CAST: variants seen among roughly 807,000 people sequenced by gnomAD.
The protein encoded by CAST is calpastatin.
In CAST, 76 loss-of-function variants were observed where a neutral mutation model predicts 119.6. The ratio of observed to expected loss-of-function variants is 0.64; its 90% CI spans 0.53 to 0.77. The LOEUF (loss-of-function observed/expected upper bound fraction) is 0.77. CAST is among the 30% of genes least tolerant of loss of function. The probability of loss-of-function intolerance (pLI) is 0.00; values close to 1 mark genes in which losing one functional copy is unlikely to be tolerated. For synonymous variants in CAST, 319 were observed against 331.6 expected (o/e 0.96, Z 0.41); for missense variants, 953 against 946.5 (o/e 1.01, Z -0.09).
chr5:96,382,630 C>A, the CAST span, among the ~76,000 whole-genome samples: 2 of 152,172 alleles, frequency 1.3e-5, no homozygotes, highest in Non-Finnish European at 2.9e-5. Flanking sequence ...GAGGGCATGT[C>A]CACATAGTAT....
chr5:96,419,222 A>G, the CAST span, among the ~76,000 whole-genome samples: 6 of 151,388 alleles, frequency 4.0e-5, no homozygotes, highest in East Asian at 1.9e-4. Context: ...TTTAAATGCC[A>G]GATATACAGA....
chr5:96,563,899 C>T (rs180919158), intron 1 of CAST, among the ~76,000 whole-genome samples: 1 of 152,264 alleles, frequency 6.6e-6, no homozygotes, highest in Admixed American at 6.5e-5. Context: ...TTGCCTTTTG[C>T]TTACCATTTT....
chr5:96,663,095 C>T (rs1219411200), intron 1 of CAST: 2 of 702,164 alleles, frequency 2.8e-6, no homozygotes, highest in Non-Finnish European at 5.2e-6. Context: ...GCGCCCTCGC[C>T]GGCTCCCCCG....
chr5:96,460,147 CT>C, the CAST span, among the ~76,000 whole-genome samples: 1 of 152,234 alleles, frequency 6.6e-6, no homozygotes, highest in Non-Finnish European at 1.5e-5. Flanking sequence ...TGGGATGATC[CT>C]CTTCAAGTGG....
chr5:96,200,849 A>G, the CAST span, among the ~76,000 whole-genome samples: 1 of 152,140 alleles, frequency 6.6e-6, no homozygotes, highest in East Asian at 1.9e-4. Context: ...AGCCTAATAA[A>G]TGTTGGCCAG....
chr5:96,614,343 A>G (rs987906238), intron 1 of CAST, among the ~76,000 whole-genome samples: 4 of 152,142 alleles, frequency 2.6e-5, no homozygotes, highest in Non-Finnish European at 4.4e-5. Flanking sequence ...GCTGTGTGCA[A>G]TCTTACCTAC....
chr5:96,235,143 G>T, the CAST span, among the ~76,000 whole-genome samples: 3 of 152,160 alleles, frequency 2.0e-5, no homozygotes, highest in African/African-American at 4.8e-5. Flanking sequence ...GGTTCATCTT[G>T]GTGGACCCCA....
chr5:96,458,038 G>A, the CAST span, among the ~76,000 whole-genome samples: 11 of 152,160 alleles, frequency 7.2e-5, no homozygotes, highest in East Asian at 5.8e-4. Flanking sequence ...TTAACAGCTC[G>A]CCCAGTCTGT....
At chr5:96,140,607 G>T in the CAST span, among the ~76,000 whole-genome samples, 5 of 152,182 alleles carry the variant, frequency 3.3e-5, no homozygotes, top group African/African-American at 1.2e-4. Context: ...CAGTTTACTT[G>T]ACCTCTCCAA....
At chr5:96,589,418 A>C (rs1262396543) in intron 1 of CAST, among the ~76,000 whole-genome samples, 2 of 152,234 alleles carry the variant, frequency 1.3e-5, no homozygotes, top group African/African-American at 4.8e-5. Flanking sequence ...GTGTATTAAA[A>C]ATGGAAAGTT....
chr5:96,496,323 C>G, the CAST span, among the ~76,000 whole-genome samples: 1 of 152,114 alleles, frequency 6.6e-6, no homozygotes, highest in Non-Finnish European at 1.5e-5. Context: ...AGAAATATTT[C>G]TTATTGCACA....
chr5:96,612,271 T>C (rs1280336732), intron 1 of CAST, among the ~76,000 whole-genome samples: 1 of 152,194 alleles, frequency 6.6e-6, no homozygotes, highest in Non-Finnish European at 1.5e-5. Context: ...TGAAATCATG[T>C]CCTTTGCAGC....
the CAST span, among the ~76,000 whole-genome samples, chr5:96,347,999 A>G: frequency 1.3e-5 from 2 of 152,178 alleles, no homozygotes; most frequent in Admixed American, 1.3e-4. Flanking sequence ...TACAAATAAG[A>G]CAGAAATCGA....
At chr5:96,654,898 T>C (rs1748138372) in intron 1 of CAST, among the ~76,000 whole-genome samples, 2 of 152,214 alleles carry the variant, frequency 1.3e-5, no homozygotes, top group African/African-American at 4.8e-5. Flanking sequence ...TTGTATACTA[T>C]GTGTTTATTG....
the CAST span, among the ~76,000 whole-genome samples, chr5:96,228,706 C>T: frequency 6.6e-6 from 1 of 152,148 alleles, no homozygotes; most frequent in African/African-American, 2.4e-5. Flanking sequence ...CATTGTGAGT[C>T]ATGTTAATAT....
At chr5:96,423,976 T>C in the CAST span, among the ~76,000 whole-genome samples, 27 of 152,292 alleles carry the variant, frequency 1.8e-4, no homozygotes, top group African/African-American at 6.0e-4. Flanking sequence ...TGCAATGTGA[T>C]TGCCTATTTT....
chr5:96,765,699 G>A (rs980204698), intron 26 of CAST, among the ~76,000 whole-genome samples: 1 of 152,104 alleles, frequency 6.6e-6, no homozygotes, highest in South Asian at 2.1e-4. Flanking sequence ...GCCTGATTTT[G>A]TATTAGAAAA....
At chr5:96,061,099 T>C in the CAST span, among the ~76,000 whole-genome samples, 23 of 152,192 alleles carry the variant, frequency 1.5e-4, no homozygotes, top group African/African-American at 5.3e-4. Context: ...AGATGCCCCA[T>C]CTGCAAATAC....
chr5:96,508,885 A>G, the CAST span, among the ~76,000 whole-genome samples: 2 of 152,214 alleles, frequency 1.3e-5, no homozygotes, highest in South Asian at 2.1e-4. Flanking sequence ...CTACTTCCCA[A>G]TCATGTGACC....
Sources: gnomAD v4.1 joint callset for allele counts (sites outside exome capture counted in the v4.1 genomes callset) on GRCh38, gnomAD v4.1.1 for gene constraint, MANE v1.5 for transcripts, NCBI Gene and HGNC (gene_info 2026-07-23, HGNC 2026-07-21) for gene names.